CSMD1: variants seen among roughly 807,000 people sequenced by gnomAD.
The protein encoded by CSMD1 is CUB and sushi domain-containing protein 1.
Under a neutral mutation model 417.5 loss-of-function variants are expected in CSMD1, and 213 were observed. The ratio of observed to expected loss-of-function variants is 0.51; its 90% CI spans 0.46 to 0.57. The LOEUF is 0.57. Among genes scored for constraint, CSMD1 ranks in the 20% least tolerant of loss-of-function variants. The pLI, the probability that CSMD1 is intolerant of heterozygous loss-of-function variation, is 0.00. For missense variants in CSMD1, 6,923 were observed against 4,529.7 expected (o/e 1.53, Z -15.17); for synonymous variants, 2,862 against 1,736.8 (o/e 1.65, Z -16.11).
intron 3 of CSMD1, among the ~76,000 whole-genome samples, chr8:4,202,552 C>T (rs565584879): frequency 2.0e-5 from 3 of 152,276 alleles, no homozygotes; most frequent in African/African-American, 7.2e-5. Flanking sequence ...AGGACATCAG[C>T]CTCGACAAAT....
At chr8:4,761,040 G>A (rs115649399) in intron 1 of CSMD1, among the ~76,000 whole-genome samples, 2 of 151,960 alleles carry the variant, frequency 1.3e-5, no homozygotes, top group Non-Finnish European at 2.9e-5. Flanking sequence ...ACAGTATGTT[G>A]TATCTCGGAG....
chr8:4,432,372 A>C (rs1366069111), intron 2 of CSMD1, among the ~76,000 whole-genome samples: 15 of 152,180 alleles, frequency 9.9e-5, no homozygotes, highest in Admixed American at 9.8e-4. Flanking sequence ...CTATGAACTT[A>C]GTGATTAACC....
At chr8:4,531,563 T>G (rs1299708645) in intron 2 of CSMD1, among the ~76,000 whole-genome samples, 1 of 152,154 alleles carries the variant, frequency 6.6e-6, no homozygotes, top group Non-Finnish European at 1.5e-5. Context: ...GTTAAAGTGT[T>G]TTGCCAGATG....
At chr8:4,310,682 G>C (rs1216823931) in intron 3 of CSMD1, among the ~76,000 whole-genome samples, 1 of 152,060 alleles carries the variant, frequency 6.6e-6, no homozygotes, top group Admixed American at 6.5e-5. Flanking sequence ...GCAAAACAAA[G>C]ACACAACAAC....
At chr8:3,990,803 G>C (rs193240995) in intron 5 of CSMD1, among the ~76,000 whole-genome samples, 1 of 152,130 alleles carries the variant, frequency 6.6e-6, no homozygotes, top group Non-Finnish European at 1.5e-5. Context: ...GGGAGGGCAG[G>C]AAATAATTCC....
chr8:3,633,941 C>A (rs946486092), intron 7 of CSMD1, among the ~76,000 whole-genome samples: 1 of 152,076 alleles, frequency 6.6e-6, no homozygotes, highest in Non-Finnish European at 1.5e-5. Context: ...TATATCATTC[C>A]ATTTCAAGTG....
At position 4,286,931 on chromosome 8, in the gene CSMD1, A is replaced by G. The variant is rs561605800; in HGVS notation, c.415+133022T>C. Among the ~76,000 whole-genome samples the G allele has an allele frequency of 4.6e-5, 7 of 152,288 alleles. 1 individual carries two copies. In the East Asian group the frequency reaches 1.4e-3, roughly 29 times the overall value. ...TCAAATGAATCAGTTTTGTTATTGG[A>G]TAGGAGTCAATAACAATTCCATAGA... is the stretch of plus-strand genomic sequence containing the variant. On this transcript the variant is annotated intron_variant, in intron 3 of 69. Transcript: ENST00000635120.
intron 3 of CSMD1, among the ~76,000 whole-genome samples, chr8:4,222,975 G>A (rs372847467): frequency 2.0e-5 from 3 of 152,078 alleles, no homozygotes; most frequent in African/African-American, 7.2e-5. Flanking sequence ...TGGGCTTTGA[G>A]AAGCTGAAGT....
intron 3 of CSMD1, among the ~76,000 whole-genome samples, chr8:4,314,796 T>C (rs1007916809): frequency 6.6e-6 from 1 of 152,184 alleles, no homozygotes. Context: ...TCAGCATTTA[T>C]GAATAAAGAC....
chr8:3,265,012 G>C (rs567221431), intron 26 of CSMD1, among the ~76,000 whole-genome samples: 1 of 152,230 alleles, frequency 6.6e-6, no homozygotes, highest in Non-Finnish European at 1.5e-5. Flanking sequence ...AACCACCTCT[G>C]TGAGAATTTA....
Position 4,731,481 on chromosome 8 carries a change from A to G in CSMD1, c.86-93923T>C, listed in dbSNP as rs543800366. ...CTTGAAACAACTTGCCTTGGAAAGGAGCAAATATTCATTCAGATATATGAT... is the reference window on the plus strand; with the variant it reads ...CTTGAAACAACTTGCCTTGGAAAGGGGCAAATATTCATTCAGATATATGAT... On this transcript the variant is annotated intron_variant, in intron 1 of 69. Transcript: ENST00000635120. Among the ~76,000 whole-genome samples the G allele has an allele frequency of 2.0e-5, 3 of 152,338 alleles. No homozygotes were observed. In the South Asian group the frequency reaches 6.2e-4, roughly 32 times the overall value.
chr8:3,480,124 C>G (rs897641919), intron 11 of CSMD1, among the ~76,000 whole-genome samples: 3 of 151,958 alleles, frequency 2.0e-5, no homozygotes, highest in Non-Finnish European at 4.4e-5. Context: ...TTTGGGAGGC[C>G]TAGGTGGATG....
In CSMD1 at chr8:3,233,617, G is replaced by A. The variant is rs527353026; in HGVS notation, c.4154-3386C>T. The stretch of plus-strand genomic sequence containing the variant: ...GGATTAGTTTCACATTTACTTGGCC[G>A]TTCATATAGTATTTGGTTTCCTATT... On this transcript the variant is annotated intron_variant, in intron 26 of 69. Coordinates refer to ENST00000635120, the MANE Select transcript of CSMD1 (RefSeq NM_033225.6). Among the ~76,000 whole-genome samples the A allele has an allele frequency of 1.1e-4, 17 of 152,156 alleles. 1 individual carries two copies. The East Asian group carries it at 1.9e-3, about 17-fold the overall frequency.
chr8:4,039,826 C>G (rs1049147948), intron 3 of CSMD1, among the ~76,000 whole-genome samples: 1 of 152,124 alleles, frequency 6.6e-6, no homozygotes, highest in African/African-American at 2.4e-5. Flanking sequence ...GATCTGGCAT[C>G]AAATAGATTT....
At chr8:4,312,376 AAT>A (rs535230667) in intron 3 of CSMD1, among the ~76,000 whole-genome samples, 1,834 of 62,696 alleles carry the variant, frequency 0.029, 192 homozygotes, top group African/African-American at 0.052. Context: ...TAATGGAACA[AAT>A]ATATATATAT....
intron 47 of CSMD1, among the ~76,000 whole-genome samples, chr8:3,094,466 C>G (rs1012331715): frequency 6.6e-6 from 1 of 152,082 alleles, no homozygotes; most frequent in African/African-American, 2.4e-5. Flanking sequence ...TTCTCTTTGT[C>G]TAAAATGTAA....
At chr8:4,310,588 A>G (rs1168039160) in intron 3 of CSMD1, among the ~76,000 whole-genome samples, 1 of 152,206 alleles carries the variant, frequency 6.6e-6, no homozygotes, top group African/African-American at 2.4e-5. Flanking sequence ...AAGTTTTCAT[A>G]GCTCTCGATG....
At chr8:3,989,198 G>C (rs1285651157) in intron 5 of CSMD1, among the ~76,000 whole-genome samples, 6 of 152,106 alleles carry the variant, frequency 3.9e-5, no homozygotes, top group Admixed American at 3.3e-4. Context: ...GCTCTCTCAG[G>C]GATGTGGCAA....
At position 4,663,021 on chromosome 8, in the gene CSMD1, G is replaced by T. The variant is rs559240288; in HGVS notation, c.86-25463C>A. Among the ~76,000 whole-genome samples the T allele has an allele frequency of 4.6e-5, 7 of 152,294 alleles. No homozygotes were observed. The South Asian group carries it at 1.5e-3, about 32-fold the overall frequency. Reference sequence around the variant, plus strand: ...GCTTTTGTTTTGTTTTGATTTCCCTGAAAAATCTCTGTTCCAGCCCAGAGC... The same window carrying T: ...GCTTTTGTTTTGTTTTGATTTCCCTTAAAAATCTCTGTTCCAGCCCAGAGC... On this transcript the variant is annotated intron_variant, in intron 1 of 69. Coordinates refer to ENST00000635120, the MANE Select transcript of CSMD1 (RefSeq NM_033225.6).
Sources: gnomAD v4.1 joint callset for allele counts (sites outside exome capture counted in the v4.1 genomes callset) on GRCh38, gnomAD v4.1.1 for gene constraint, MANE v1.5 for transcripts, NCBI Gene and HGNC (gene_info 2026-07-23, HGNC 2026-07-21) for gene names.